Variants in GNG4 observed in about 807,000 individuals in gnomAD.
The protein encoded by GNG4 is guanine nucleotide-binding protein G(I)/G(S)/G(O) subunit gamma-4.
A neutral mutation model predicts 5.8 loss-of-function variants in GNG4; 4 were observed. The observed-to-expected ratio is 0.69, with a 90% CI of 0.34 to 1.57. The LOEUF is 1.57. Ranked by LOEUF, GNG4 falls within the 40% of genes most tolerant of loss-of-function variation. The pLI is 0.06. For synonymous variants in GNG4, 29 were observed against 32.9 expected, an observed-to-expected ratio of 0.88 and a Z score of 0.41; for missense variants, 96 against 95.1, an observed-to-expected ratio of 1.01 and a Z score of -0.04.
intron 3 of GNG4, 111 bp from the exon 4 acceptor site, chr1:235,552,348 G>A (rs546019129): frequency 8.4e-5 from 81 of 967,042 alleles, no homozygotes; most frequent in Non-Finnish European, 1.2e-4. Context: ...GCTGTATTGT[G>A]TGCACGGCCT....
In GNG4 at chr1:235,649,262, A is replaced by G. The variant is rs551798013; in HGVS notation, c.-123+400T>C. Among the ~76,000 whole-genome samples, 3 of 152,296 alleles carry G rather than the reference A, an allele frequency of 2.0e-5. No individual in the cohort carries two copies. In the South Asian group the frequency reaches 6.2e-4, roughly 32 times the overall value. On this transcript the variant is annotated intron_variant, in intron 1 of 3. Transcript: ENST00000391854. The surrounding 1 kb of genome is among the most constrained non-coding windows in gnomAD (Gnocchi z 5.7). ...CCAACCAGCCACGCCATCTCCTGCCACTGAGGTCCTTTTCCACGGGGGACG... is the reference window on the plus strand; with the variant it reads ...CCAACCAGCCACGCCATCTCCTGCCGCTGAGGTCCTTTTCCACGGGGGACG...
At chr1:235,564,663 A>AT (rs893053197) in intron 3 of GNG4, among the ~76,000 whole-genome samples, 1 of 152,150 alleles carries the variant, frequency 6.6e-6, no homozygotes, top group South Asian at 2.1e-4. Flanking sequence ...TAAAAATTAC[A>AT]TTTTTTTAAG....
At chr1:235,557,084 G>A (rs929121919) in intron 3 of GNG4, among the ~76,000 whole-genome samples, 4 of 152,106 alleles carry the variant, frequency 2.6e-5, no homozygotes, top group African/African-American at 4.8e-5. Context: ...CCTGCTGTGC[G>A]GCCCGGTTCC....
intron 1 of GNG4, among the ~76,000 whole-genome samples, chr1:235,623,030 CCT>C (rs1476511419): frequency 6.6e-6 from 1 of 151,826 alleles, no homozygotes; most frequent in Non-Finnish European, 1.5e-5. Flanking sequence ...ACAGAGCGAG[CCT>C]CTGTTTCAAG....
intron 1 of GNG4, chr1:235,615,871 T>C: frequency 3.6e-6 from 1 of 275,052 alleles, no homozygotes; most frequent in Non-Finnish European, 7.2e-6. Flanking sequence ...GGGCTCACTC[T>C]CTGTGCTGGT....
intron 1 of GNG4, among the ~76,000 whole-genome samples, chr1:235,626,285 A>G (rs747023913): frequency 2.6e-5 from 4 of 151,950 alleles, no homozygotes; most frequent in Non-Finnish European, 5.9e-5. Context: ...TTTGTTTTCT[A>G]TTGAGTTTTA....
In GNG4 at chr1:235,617,612, C is replaced by T. The variant is rs572005783; in HGVS notation, c.-122-22101G>A. ...TTCTAAGAGACTTGCAGGCTGGGTG[C>T]GGTGGCTCACGCCTGTAATCCCAGC... is the stretch of plus-strand genomic sequence containing the variant. On this transcript the variant is annotated intron_variant, in intron 1 of 3. Coordinates refer to ENST00000391854, the MANE Select transcript of GNG4 (RefSeq NM_001098722.2). 2.8e-4 allele frequency among the ~76,000 whole-genome samples: 43 copies of T among 152,236 alleles called. 1 individual carries two copies. The highest frequency in any genetic ancestry group is 8.4e-4 in the African/African-American group (35 of 41,556).
rs114139001 is a variant in GNG4 at position 235,575,796 on chromosome 1, C to T, written c.99+7944G>A. ...TCAGCAATTTCCCTTTCCTGTGGGG[C>T]AGGAGAATCAGGGCACCCTGAGGGA... On this transcript the variant is annotated intron_variant, in intron 3 of 3. Transcript: ENST00000391854. Among the ~76,000 whole-genome samples, 1,263 of 152,284 alleles carry T rather than the reference C, an allele frequency of 8.3e-3. 22 individuals carry two copies. Among genetic ancestry groups the T allele is most frequent in the African/African-American group, 0.029 (1,186 of 41,564 alleles).
chr1:235,592,356 A>T (rs1030834715), intron 2 of GNG4, among the ~76,000 whole-genome samples: 5 of 152,044 alleles, frequency 3.3e-5, no homozygotes, highest in Admixed American at 2.6e-4. Context: ...AAATACAAAA[A>T]AGATTAGCCA....
In GNG4 at chr1:235,550,266, G is replaced by C. The variant is rs1686705987; in HGVS notation, c.*1843C>G. ...TACCAGAATACGGCTTCCTCCTGGA[G>C]AATGTGGGAAGTGAAGTGTGCCACG... On this transcript the variant is annotated 3_prime_UTR_variant, in exon 4 of 4. Coordinates refer to ENST00000391854, the MANE Select transcript of GNG4 (RefSeq NM_001098722.2). 1 of 152,216 alleles carries C rather than the reference G, an allele frequency of 6.6e-6. No homozygotes were observed. The highest frequency in any genetic ancestry group is 1.5e-5 in the Non-Finnish European group (1 of 68,054). 9.4% of individuals were successfully genotyped at this position (152,216 alleles called of 1,614,324 possible). A position where few individuals can be genotyped will look rare whatever the true frequency, so the allele number is the denominator to read the frequency against.
chr1:235,612,641 G>A (rs1028071911), intron 1 of GNG4, among the ~76,000 whole-genome samples: 1 of 152,080 alleles, frequency 6.6e-6, no homozygotes, highest in Non-Finnish European at 1.5e-5. Flanking sequence ...TCCTGCCCCA[G>A]CCTCCCAAGT....
At chr1:235,650,271 C>G (rs1254040786), upstream of GNG4, among the ~76,000 whole-genome samples, 4,448 of 57,948 alleles carry the variant, frequency 0.077, 263 homozygotes, top group African/African-American at 0.32. Flanking sequence ...GGGGGGGGGT[C>G]TGGGGGGCGC....
chr1:235,628,328 G>A (rs900495322), intron 1 of GNG4, among the ~76,000 whole-genome samples: 8 of 152,122 alleles, frequency 5.3e-5, no homozygotes, highest in African/African-American at 1.9e-4. Context: ...GCCAGAAGCA[G>A]GAGGAAGAAG....
chr1:235,596,207 A>ACAAAAG (rs1553368858), intron 1 of GNG4, among the ~76,000 whole-genome samples: 1 of 28,770 alleles, frequency 3.5e-5, no homozygotes, highest in Non-Finnish European at 7.1e-5. Context: ...AAACAAACAA[A>ACAAAAG]ATACACACAC....
At chr1:235,623,983 G>A (rs996706408) in intron 1 of GNG4, among the ~76,000 whole-genome samples, 4 of 152,216 alleles carry the variant, frequency 2.6e-5, no homozygotes, top group Non-Finnish European at 5.9e-5. Context: ...GTGAGCCGAA[G>A]ACGGAGGGTC....
chr1:235,603,909 A>T (rs1688305206), intron 1 of GNG4, among the ~76,000 whole-genome samples: 1 of 152,032 alleles, frequency 6.6e-6, no homozygotes, highest in South Asian at 2.1e-4. Flanking sequence ...ACATTTGACA[A>T]ATTAGTGCAG....
rs545432326 is a variant in GNG4, at chr1:235,568,449, T to C, written c.99+15291A>G. Reference sequence around the variant, plus strand: ...TATTATCATGTGTAAATTAACATAATTATGCACATCTGTATCTCCTTTAGT... The same window carrying C: ...TATTATCATGTGTAAATTAACATAACTATGCACATCTGTATCTCCTTTAGT... On this transcript the variant is annotated intron_variant, in intron 3 of 3. Coordinates refer to ENST00000391854, the MANE Select transcript of GNG4 (RefSeq NM_001098722.2). Among the ~76,000 whole-genome samples the C allele has an allele frequency of 2.4e-4, 37 of 152,318 alleles. No homozygotes were observed. The South Asian group carries it at 7.2e-3, about 30-fold the overall frequency.
At chr1:235,649,836 G>C (rs1317234330), upstream of GNG4, 1 of 145,778 alleles carries the variant, frequency 6.9e-6, no homozygotes, top group Non-Finnish European at 1.5e-5. This position sits in a 1 kb window ranked among gnomAD's most constrained non-coding sequence, Gnocchi z 5.7. Context: ...CCCGCCCCGC[G>C]CCGCGCCTCC....
chr1:235,625,821 T>C (rs1688798082), intron 1 of GNG4, among the ~76,000 whole-genome samples: 1 of 152,248 alleles, frequency 6.6e-6, no homozygotes, highest in Non-Finnish European at 1.5e-5. Flanking sequence ...TCACAGCTTA[T>C]TTATCCATTC....
Sources: gnomAD v4.1 joint callset for allele counts (sites outside exome capture counted in the v4.1 genomes callset) on GRCh38, gnomAD v4.1.1 for gene constraint, Gnocchi (gnomAD v3.1) non-coding constraint, MANE v1.5 for transcripts, NCBI Gene and HGNC (gene_info 2026-07-23, HGNC 2026-07-21) for gene names.